KIF7: variants seen among roughly 807,000 people sequenced by gnomAD.
KIF7 encodes kinesin family member 7, also known as kinesin-like protein KIF7.
KIF7 carries 104 observed loss-of-function variants against 135.7 expected under a neutral mutation model. The observed-to-expected ratio is 0.77, with a 90% CI of 0.65 to 0.90. The LOEUF (loss-of-function observed/expected upper bound fraction) is 0.90, where lower values mean the gene tolerates loss of function less well. Among genes scored for constraint, KIF7 ranks in the 40% least tolerant of loss-of-function variants. The probability of loss-of-function intolerance (pLI) is 0.00; values close to 1 mark genes in which losing one functional copy is unlikely to be tolerated. For synonymous variants in KIF7, 883 were observed against 809.4 expected (o/e 1.09, Z -1.54); for missense variants, 2,005 against 1,839.1 (o/e 1.09, Z -1.65).
At chr15:89,653,119 T>C (rs1964151533) in intron 1 of KIF7, among the ~76,000 whole-genome samples, 165 bp from the exon 2 acceptor site, 1 of 152,116 alleles carries the variant, frequency 6.6e-6, no homozygotes, top group Non-Finnish European at 1.5e-5. Flanking sequence ...TGCTCAAAAA[T>C]TGCAAGGGCC....
In KIF7 at chr15:89,631,602, G is replaced by A. The variant is rs764805079; in HGVS notation, c.3004C>T (p.Gln1002Ter). ...LRQGSAQSQQ[Q>*]IRGEIDSLRQ... Reference sequence around the variant, plus strand: ...AGGCTGTCGATCTCCCCGCGGATCTGCTGCTGGCTCTGGGCGCTGCCCTGC... The same window carrying A: ...AGGCTGTCGATCTCCCCGCGGATCTACTGCTGGCTCTGGGCGCTGCCCTGC... Residue 1002 changes from glutamine to a stop codon, truncating the protein, a stop_gained, in exon 15 of 19, where the codon CAG (glutamine) becomes TAG (stop). Coordinates refer to ENST00000394412, the MANE Select transcript of KIF7 (RefSeq NM_198525.3). LOFTEE classifies it high-confidence loss of function. The A allele has an allele frequency of 1.3e-6, 2 of 1,562,802 alleles. No individual in the cohort carries two copies. The highest frequency in any genetic ancestry group is 1.7e-6 in the Non-Finnish European group (2 of 1,152,678).
downstream of KIF7, chr15:89,626,088 C>G: frequency 6.2e-7 from 1 of 1,608,192 alleles, no homozygotes; most frequent in Non-Finnish European, 8.5e-7. Flanking sequence ...GTCTAGGACC[C>G]TTTCCTGTGA....
chr15:89,621,982 CTTTT>C (rs34123859), intron 1 of KIF7, among the ~76,000 whole-genome samples: 4 of 87,742 alleles, frequency 4.6e-5, no homozygotes, highest in Admixed American at 1.3e-4. Flanking sequence ...CAAACTGACT[CTTTT>C]TTTTTTTTTT....
chr15:89,625,267 C>T (rs1444484716), downstream of KIF7: 9 of 1,613,506 alleles, frequency 5.6e-6, no homozygotes, highest in Non-Finnish European at 7.6e-6. Flanking sequence ...CACCCACGGC[C>T]CTTCTAGTAC....
intron 7 of KIF7, 69 bp downstream of exon 7, chr15:89,646,761 C>T (rs1007287182): frequency 2.1e-6 from 3 of 1,433,616 alleles, no homozygotes; most frequent in Non-Finnish European, 2.9e-6. Flanking sequence ...CCCCAGTGCC[C>T]CCTTCCCCTG....
downstream of KIF7, chr15:89,623,581 G>T: frequency 9.0e-6 from 14 of 1,553,250 alleles, no homozygotes; most frequent in Non-Finnish European, 1.2e-5. Context: ...GAGATCATGA[G>T]TTATAATATT....
rs776621314 is a variant in KIF7 at position 89,649,010 on chromosome 15, C to T, written c.887G>A (p.Gly296Asp). 16 of 1,546,976 alleles carry T rather than the reference C, an allele frequency of 1.0e-5. No individual in the cohort carries two copies. The East Asian group carries it at 3.4e-4, about 33-fold the overall frequency. ...ISALGDPQRR[G>D]SHIPYRDSKI... ...GGAGTCGCGGTAGGGTATGTGGCTGCCCCGGCGCTGAGGGTCCCCCAGGGC... is the reference window on the plus strand; with the variant it reads ...GGAGTCGCGGTAGGGTATGTGGCTGTCCCGGCGCTGAGGGTCCCCCAGGGC... The change falls in exon 4 of 19, where the codon GGC becomes GAC. Residue 296 changes from glycine (G) to aspartate (D), a missense_variant. Gly to Asp is a moderately conservative substitution (Grantham distance 94, BLOSUM62 -1). Coordinates refer to ENST00000394412, the MANE Select transcript of KIF7 (RefSeq NM_198525.3).
At chr15:89,632,755 C>A (rs934801597) in intron 14 of KIF7, 65 bp downstream of exon 14, 4 of 1,537,604 alleles carry the variant, frequency 2.6e-6, no homozygotes, top group Non-Finnish European at 2.6e-6. Flanking sequence ...CTGGCAAGAT[C>A]TGTCCTGGCT....
rs543188623 is a variant in KIF7, at chr15:89,645,028, C to G, written c.2176G>C (p.Glu726Gln). The part of the protein sequence containing the change: ...NIRMKEELIG[E>Q]LVRTGKAAQA... ...CACGCCTCACCTGTGCGGACCAGCT[C>G]GCCAATAAGCTCCTCCTTCATGCGG... The change falls in exon 10 of 19, where the codon GAG becomes CAG. Residue 726 changes from glutamate (E) to glutamine (Q), a missense_variant. Physicochemically the swap from Glu to Gln is conservative, Grantham distance 29. Coordinates refer to ENST00000394412, the MANE Select transcript of KIF7 (RefSeq NM_198525.3). 4 of 1,608,120 alleles carry G rather than the reference C, an allele frequency of 2.5e-6. No homozygotes were observed. The highest frequency in any genetic ancestry group is 4.5e-5 in the East Asian group (2 of 44,878).
At position 89,649,307 on chromosome 15, in the gene KIF7, T is replaced by C. The variant is rs1181427119; in HGVS notation, c.590A>G (p.Glu197Gly). ...EGLDEVLSLL[E>G]MGNAARHTGA... ...CGTGTGCCGCGCCGCGTTGCCCATC[T>C]CCAGGAGGCTCAGCACCTCATCCAG... The change falls in exon 4 of 19, where the codon GAG becomes GGG. Residue 197 changes from glutamate (E) to glycine (G), a missense_variant. By Grantham distance (98) the Glu-to-Gly change is moderately conservative. Transcript: ENST00000394412. 6 of 1,487,134 alleles carry C rather than the reference T, an allele frequency of 4.0e-6. No homozygotes were observed. In the South Asian group the frequency reaches 8.1e-5, roughly 20 times the overall value. The allele number at this position is 1,487,134 out of a possible 1,614,324, so 92.1% of individuals were successfully genotyped here. A position where few individuals can be genotyped will look rare whatever the true frequency, so the allele number is the denominator to read the frequency against.
chr15:89,644,918 A>C, intron 10 of KIF7, 95 bp downstream of exon 10: 5 of 1,525,154 alleles, frequency 3.3e-6, no homozygotes, highest in South Asian at 1.1e-5. Context: ...CCCTGCTCCT[A>C]ACCACCTCAT....
intron 14 of KIF7, among the ~76,000 whole-genome samples, chr15:89,632,351 G>A (rs569970518): frequency 1.3e-5 from 2 of 152,318 alleles, no homozygotes; most frequent in African/African-American, 2.4e-5. Flanking sequence ...TATTCTAGAT[G>A]GAGTAATGAT....
chr15:89,639,845 A>G (rs1963884677), intron 11 of KIF7, among the ~76,000 whole-genome samples: 1 of 152,146 alleles, frequency 6.6e-6, no homozygotes, highest in Non-Finnish European at 1.5e-5. Flanking sequence ...ATGCACATGT[A>G]TGTTTATTGT....
rs766982588 is a variant in KIF7 at position 89,645,948 on chromosome 15, A to C, written c.1867T>G (p.Ser623Ala). ...TCCTCCTCCTCCTCTTCCTCCTCTG[A>C]AGCAGCTGAAGAGCCACTTCCCAGC... ...NRLGSGSSAA[S>A]EEEEEEEEPP... is the part of the protein sequence containing the mutation. Residue 623 changes from serine (S) to alanine (A), a missense_variant, in exon 8 of 19, where the codon TCA (serine) becomes GCA (alanine). Physicochemically the swap from Ser to Ala is moderately conservative, Grantham distance 99. Transcript: ENST00000394412. The C allele has an allele frequency of 5.0e-6, 8 of 1,613,834 alleles. No homozygotes were observed. The highest frequency in any genetic ancestry group is 1.1e-5 in the South Asian group (1 of 91,078).
At chr15:89,623,509 G>A, downstream of KIF7, 1 of 1,108,860 alleles carries the variant, frequency 9.0e-7, no homozygotes, top group Admixed American at 2.4e-5. Flanking sequence ...TCCATCTTTA[G>A]ATCATTCCTT....
rs781481954 is a variant in KIF7, at chr15:89,629,134, A to G, written c.3518-12T>C. 1.9e-6 allele frequency: 3 copies of G among 1,554,194 alleles called. No individual in the cohort carries two copies. In the South Asian group the frequency reaches 3.3e-5, roughly 17 times the overall value. On this transcript the variant is annotated splice_polypyrimidine_tract_variant and intron_variant, in intron 17 of 18. Coordinates refer to ENST00000394412, the MANE Select transcript of KIF7 (RefSeq NM_198525.3). ...TTCACCGAGGTGGTCTAGAGTGGAA[A>G]GGTCGAGGAGAGGGTGGTGAGGGCT...
intron 1 of KIF7, chr15:89,619,618 C>G (rs1489733262): frequency 7.4e-7 from 1 of 1,347,810 alleles, no homozygotes; most frequent in Non-Finnish European, 1.0e-6. Flanking sequence ...ATATGTGGTA[C>G]TATGTAAATT....
chr15:89,648,368 G>T lies in KIF7; in HGVS notation c.1330C>A (p.Leu444Met). 7.3e-7 allele frequency: 1 copy of T among 1,368,070 alleles called. No homozygotes were observed. The highest frequency in any genetic ancestry group is 9.5e-7 in the Non-Finnish European group (1 of 1,057,726). The allele number at this position is 1,368,070 out of a possible 1,614,324, so 84.7% of individuals were successfully genotyped here. ...CTGCGCTCGCCCTCGACGGCGCACA[G>T]CCAGTCGCGCACCTTGCGGGCGGCG... ...GAAARKVRDW[L>M]CAVEGERSAL... The change falls in exon 5 of 19, where the codon CTG becomes ATG. Residue 444 changes from leucine (L) to methionine (M), a missense_variant. Physicochemically the swap from Leu to Met is conservative, Grantham distance 15. Coordinates refer to ENST00000394412, the MANE Select transcript of KIF7 (RefSeq NM_198525.3).
intron 15 of KIF7, 125 bp downstream of exon 15, chr15:89,631,370 G>A (rs541429719): frequency 2.3e-6 from 2 of 851,836 alleles, no homozygotes; most frequent in South Asian, 1.7e-5. Flanking sequence ...CCACCTAACA[G>A]TGAAAACTTG....
Sources: gnomAD v4.1 joint callset for allele counts (sites outside exome capture counted in the v4.1 genomes callset) on GRCh38, gnomAD v4.1.1 for gene constraint, MANE v1.5 for transcripts, NCBI Gene and HGNC (gene_info 2026-07-23, HGNC 2026-07-21) for gene names.